RPGRIP1: variants seen among roughly 807,000 people sequenced by gnomAD.
RPGRIP1 encodes X-linked retinitis pigmentosa GTPase regulator-interacting protein 1.
RPGRIP1 carries 128 observed loss-of-function variants against 157.9 expected under a neutral mutation model. The observed-to-expected ratio is 0.81, with a 90% CI of 0.70 to 0.94. The LOEUF is 0.94. Among genes scored for constraint, RPGRIP1 ranks in the 40% least tolerant of loss-of-function variants. The pLI is 0.00. For missense variants in RPGRIP1, 1,486 were observed against 1,545.8 expected, an observed-to-expected ratio of 0.96 and a Z score of 0.65; for synonymous variants, 554 against 571.6, an observed-to-expected ratio of 0.97 and a Z score of 0.44.
At chr14:21,303,708 C>G (rs74242611) in intron 6 of RPGRIP1, among the ~76,000 whole-genome samples, 165 bp downstream of exon 6, 4 of 152,076 alleles carry the variant, frequency 2.6e-5, no homozygotes, top group African/African-American at 9.7e-5. Flanking sequence ...GATTAACCTG[C>G]GGGCACCATG....
rs565837539 is a variant in RPGRIP1 at position 21,325,861 on chromosome 14, G to C, written c.2398G>C (p.Glu800Gln). 6 of 1,613,528 alleles carry C rather than the reference G, an allele frequency of 3.7e-6. 1 individual carries two copies. Among genetic ancestry groups the C allele is most frequent in the Middle Eastern group, 1.6e-4 (1 of 6,062 alleles). Residue 800 changes from glutamate (E) to glutamine (Q), a missense_variant, in exon 17 of 25, where the codon GAG (glutamate) becomes CAG (glutamine). By Grantham distance (29) the Glu-to-Gln change is conservative. Coordinates refer to ENST00000400017, the MANE Select transcript of RPGRIP1 (RefSeq NM_020366.4). ...FRSESWEPQN[E>Q]LWIEITKCCG... ...ATCGGAGTCTTGGGAACCTCAGAACGAGCTGTGGATTGAAATCACCAAGTG... is the reference window on the plus strand; with the variant it reads ...ATCGGAGTCTTGGGAACCTCAGAACCAGCTGTGGATTGAAATCACCAAGTG...
rs755524774 is a variant in RPGRIP1, at chr14:21,327,633, C to A, written c.2721C>A (p.Asn907Lys). 8 of 1,613,792 alleles carry A rather than the reference C, an allele frequency of 5.0e-6. No homozygotes were observed. Among genetic ancestry groups the A allele is most frequent in the African/African-American group, 1.3e-5 (1 of 75,022 alleles). The change falls in exon 18 of 25, where the codon AAC becomes AAA. Residue 907 changes from asparagine to lysine, a missense_variant. Asn to Lys is a moderately conservative substitution (Grantham distance 94). Coordinates refer to ENST00000400017, the MANE Select transcript of RPGRIP1 (RefSeq NM_020366.4). ...CTGTTTGTTTCTCAGGTGATTTTAA[C>A]CTCACTGACCCTGCAGAGAAACCCA... ...AKNESIKGDF[N>K]LTDPAEKPNG...
At chr14:21,311,757 T>C (rs1255048922) in intron 8 of RPGRIP1, 67 bp from the exon 9 acceptor site, 16 of 1,321,342 alleles carry the variant, frequency 1.2e-5, no homozygotes, top group Non-Finnish European at 1.7e-5. Flanking sequence ...CTAGGGTTGC[T>C]GGTGTCTGGA....
At chr14:21,334,110 C>T (rs113229201) in intron 20 of RPGRIP1, among the ~76,000 whole-genome samples, 5,911 of 151,742 alleles carry the variant, frequency 0.039, 212 homozygotes, top group East Asian at 0.13. Context: ...TTAGTAGAGA[C>T]GGGGCTTCAC....
At chr14:21,325,163 C>T in intron 15 of RPGRIP1, 69 bp from the exon 16 acceptor site, 1 of 1,543,060 alleles carries the variant, frequency 6.5e-7, no homozygotes, top group Non-Finnish European at 8.7e-7. Context: ...TATTTTCTTC[C>T]TTTGTCTTGT....
intron 12 of RPGRIP1, among the ~76,000 whole-genome samples, chr14:21,320,644 G>C (rs1289014746): frequency 2.3e-5 from 3 of 132,926 alleles, no homozygotes; most frequent in Non-Finnish European, 4.7e-5. Flanking sequence ...TTGTTTCCCA[G>C]GCTGGAGTGC....
intron 11 of RPGRIP1, chr14:21,318,061 A>G (rs1417635884): frequency 4.3e-6 from 3 of 693,360 alleles, no homozygotes; most frequent in East Asian, 5.5e-5. Context: ...ACTTTTTCCT[A>G]TATAATGTCT....
At chr14:21,342,558 A>T (rs990312352) in intron 21 of RPGRIP1, among the ~76,000 whole-genome samples, 2 of 151,724 alleles carry the variant, frequency 1.3e-5, no homozygotes, top group Middle Eastern at 3.2e-3. Flanking sequence ...AAAAAAAAAA[A>T]AGTTGAGAAA....
chr14:21,351,208 T>C lies in RPGRIP1; in HGVS notation c.3853T>C (p.Phe1285Leu). 2 of 1,595,412 alleles carry C rather than the reference T, an allele frequency of 1.3e-6. No individual in the cohort carries two copies. Among genetic ancestry groups the C allele is most frequent in the Non-Finnish European group, 1.7e-6 (2 of 1,164,996 alleles). Residue 1285 changes from phenylalanine (F) to leucine (L), a missense_variant, in exon 25 of 25, where the codon TTT (phenylalanine) becomes CTT (leucine). Phe to Leu is a conservative substitution (Grantham distance 22). Transcript: ENST00000400017. Reference sequence around the variant, plus strand: ...TTACAAGGAGATGACTGAAGATTTGTTTTCATGAAGGAACAAGTGCTATTC... The same window carrying C: ...TTACAAGGAGATGACTGAAGATTTGCTTTCATGAAGGAACAAGTGCTATTC... ...AIYKEMTEDL[F>L]S
At chr14:21,283,740 C>T (rs1880210825) in intron 1 of RPGRIP1, among the ~76,000 whole-genome samples, 1 of 151,932 alleles carries the variant, frequency 6.6e-6, no homozygotes. Context: ...TCACTGCAAT[C>T]TCCACCTGCC....
In RPGRIP1 at chr14:21,324,747, A is replaced by T. The variant is rs535922252; in HGVS notation, c.1892A>T (p.His631Leu). 6.2e-7 allele frequency: 1 copy of T among 1,614,036 alleles called. No individual in the cohort carries two copies. Among genetic ancestry groups the T allele is most frequent in the East Asian group, 2.2e-5 (1 of 44,878 alleles). ...LHQGENLFEL[H>L]IHQAFLTSAA... The stretch of plus-strand genomic sequence containing the variant: ...CAGGGTGAGAATCTTTTTGAACTGC[A>T]CATCCACCAGGCCTTCCTGACATCT... Residue 631 changes from histidine to leucine, a missense_variant, in exon 15 of 25, where the codon CAC (histidine) becomes CTC (leucine). Transcript: ENST00000400017.
Sources: allele counts gnomAD v4.1 joint callset (sites outside exome capture counted in the v4.1 genomes callset), GRCh38; gene constraint gnomAD v4.1.1; transcripts MANE v1.5; gene names NCBI Gene and HGNC (gene_info 2026-07-23, HGNC 2026-07-21).